The following CLEC3A variants were observed in gnomAD, a reference collection of about 807,000 sequenced individuals.
The protein encoded by CLEC3A is C-type (calcium dependent, carbohydrate-recognition domain) lectin, superfamily member 1 (cartilage-derived).
In CLEC3A, 28 loss-of-function variants were observed where a neutral mutation model predicts 20.4. That is an observed-to-expected ratio of 1.37 (90% CI 1.02 to 1.88). The LOEUF (loss-of-function observed/expected upper bound fraction) is 1.88, where lower values mean the gene tolerates loss of function less well. Among genes scored for constraint, CLEC3A ranks in the 40% most tolerant of loss-of-function variants. CLEC3A has a pLI of 0.00. For missense variants in CLEC3A, 357 were observed against 240.4 expected, an observed-to-expected ratio of 1.48 and a Z score of -3.21; for synonymous variants, 110 against 88.1, an observed-to-expected ratio of 1.25 and a Z score of -1.39.
At chr16:78,025,938 G>C (rs1362434210) in intron 1 of CLEC3A, among the ~76,000 whole-genome samples, 1 of 152,216 alleles carries the variant, frequency 6.6e-6, no homozygotes, top group Non-Finnish European at 1.5e-5. Context: ...TATTTAAGGA[G>C]AATGGAGCAG....
intron 1 of CLEC3A, among the ~76,000 whole-genome samples, chr16:78,027,638 T>G (rs1377016709): frequency 6.6e-6 from 1 of 152,164 alleles, no homozygotes; most frequent in Non-Finnish European, 1.5e-5. Context: ...CCTTCTTTCC[T>G]TCATTCATTG....
At position 78,022,740 on chromosome 16, in the gene CLEC3A, A is replaced by G; in HGVS notation, c.114A>G (p.Arg38=). The G allele has an allele frequency of 6.2e-7, 1 of 1,614,084 alleles. No homozygotes were observed. Among genetic ancestry groups the G allele is most frequent in the Admixed American group, 1.7e-5 (1 of 60,008 alleles). Residue 38 remains arginine (R), a splice_region_variant and synonymous_variant, in exon 1 of 3, where the codon AGA becomes AGG. Transcript: ENST00000299642. The stretch of plus-strand genomic sequence containing the variant: ...GGAAGCACAGCAAACGTCGAGTGAG[A>G]GGTAATGGGGCTTCTCAATCAAGCA... ...KARKHSKRRV[R]DKDGDLKTQI...
chr16:78,028,954 T>C (rs2030005721), intron 2 of CLEC3A: 1 of 344,544 alleles, frequency 2.9e-6, no homozygotes, highest in Non-Finnish European at 5.6e-6. Context: ...ATACTCCCTT[T>C]ATCAGGCTTC....
intron 1 of CLEC3A, among the ~76,000 whole-genome samples, chr16:78,027,265 T>A (rs2029951063): frequency 6.6e-6 from 1 of 152,046 alleles, no homozygotes; most frequent in Non-Finnish European, 1.5e-5. Context: ...AAATATGGAA[T>A]AAAATAAAAT....
Position 78,022,733 on chromosome 16 carries a change from G to T in CLEC3A, c.107G>T (p.Arg36Leu). Residue 36 changes from arginine to leucine, a missense_variant, in exon 1 of 3, where the codon CGA becomes CTA. By Grantham distance (102) the Arg-to-Leu change is moderately radical (BLOSUM62 -2). Coordinates refer to ENST00000299642, the MANE Select transcript of CLEC3A (RefSeq NM_005752.6). ...RLKARKHSKR[R>L]VRDKDGDLKT... ...AAAGCCAGGAAGCACAGCAAACGTC[G>T]AGTGAGAGGTAATGGGGCTTCTCAA... 2 of 1,614,128 alleles carry T rather than the reference G, an allele frequency of 1.2e-6. No individual in the cohort carries two copies. Among genetic ancestry groups the T allele is most frequent in the Non-Finnish European group, 1.7e-6 (2 of 1,180,024 alleles).
At chr16:78,029,430 G>A (rs1029185968) in intron 2 of CLEC3A, among the ~76,000 whole-genome samples, 17 of 152,106 alleles carry the variant, frequency 1.1e-4, no homozygotes, top group South Asian at 2.1e-4. Flanking sequence ...GTACAATGGC[G>A]CAATCTCGGC....
chr16:78,026,478 G>C (rs1455549383), intron 1 of CLEC3A, among the ~76,000 whole-genome samples: 1 of 152,174 alleles, frequency 6.6e-6, no homozygotes, highest in Non-Finnish European at 1.5e-5. Context: ...GATGAAATGA[G>C]AACAGGCCTG....
At chr16:78,030,152 C>CAAAAA (rs56784347) in intron 2 of CLEC3A, among the ~76,000 whole-genome samples, 21 of 100,268 alleles carry the variant, frequency 2.1e-4, no homozygotes, top group African/African-American at 6.2e-4. Context: ...GACTCCAACT[C>CAAAAA]AAAAAAAAAA....
In CLEC3A at chr16:78,022,679, A is replaced by G. The variant is rs2018765102; in HGVS notation, c.53A>G (p.Asp18Gly). The change falls in exon 1 of 3, where the codon GAC becomes GGC. Residue 18 changes from aspartate to glycine, a missense_variant. Transcript: ENST00000299642. ...ATCCTGGTGATCACCTTACTCCTGG[A>G]CCAGACCACCAGCCACACATCCAGA... ...ICILVITLLL[D>G]QTTSHTSRLK... 2 of 1,614,016 alleles carry G rather than the reference A, an allele frequency of 1.2e-6. No individual in the cohort carries two copies. The highest frequency in any genetic ancestry group is 1.1e-5 in the South Asian group (1 of 91,080).
intron 2 of CLEC3A, 113 bp from the exon 3 acceptor site, chr16:78,030,334 C>A (rs2030054906): frequency 3.1e-6 from 3 of 953,454 alleles, no homozygotes; most frequent in African/African-American, 1.6e-5. Context: ...TAACTGTTGT[C>A]TCATCATTAT....
intron 1 of CLEC3A, among the ~76,000 whole-genome samples, chr16:78,026,751 ATTTATCCAAGGCTTCTTGTTTTCTGCCAC>A (rs1271225768): frequency 6.6e-5 from 10 of 152,174 alleles, no homozygotes; most frequent in Non-Finnish European, 2.9e-5. Context: ...TGAAATTTCA[ATTTATCCAAGGCTTCTTGTTTTCTGCCAC>A]TTACTTATAG....
At chr16:78,029,816 C>T (rs1310600339) in intron 2 of CLEC3A, among the ~76,000 whole-genome samples, 1 of 152,032 alleles carries the variant, frequency 6.6e-6, no homozygotes, top group Non-Finnish European at 1.5e-5. Context: ...GGCAGACCTG[C>T]ATTTGGGTAG....
rs749094145 is a variant in CLEC3A at position 78,028,175 on chromosome 16, C to T, written c.184C>T (p.Gln62Ter). 7 of 1,609,426 alleles carry T rather than the reference C, an allele frequency of 4.3e-6. No homozygotes were observed. Among genetic ancestry groups the T allele is most frequent in the Admixed American group, 1.7e-5 (1 of 58,550 alleles). Reference protein sequence around the residue: ...WTEVNALKEIQALQTVCLRGT... With the variant: ...WTEVNALKEI ...AGAAGTCAATGCCTTGAAGGAAATTCAAGCCCTGCAGACAGGTAAGGTGCA... is the reference window on the plus strand; with the variant it reads ...AGAAGTCAATGCCTTGAAGGAAATTTAAGCCCTGCAGACAGGTAAGGTGCA... The change falls in exon 2 of 3, where the codon CAA (glutamine) becomes TAA (stop). Residue 62 changes from glutamine to a stop codon, truncating the protein, a stop_gained. Coordinates refer to ENST00000299642, the MANE Select transcript of CLEC3A (RefSeq NM_005752.6). LOFTEE classifies it high-confidence loss of function.
At chr16:78,029,025 G>T (rs1693806364) in intron 2 of CLEC3A, 2 of 426,616 alleles carry the variant, frequency 4.7e-6, no homozygotes, top group African/African-American at 4.1e-5. Flanking sequence ...GGTGAGTTTG[G>T]TTCATCCTTT....
chr16:78,024,227 G>C (rs1390511748), intron 1 of CLEC3A, among the ~76,000 whole-genome samples: 1 of 152,190 alleles, frequency 6.6e-6, no homozygotes, highest in Non-Finnish European at 1.5e-5. Context: ...TGTAGCCAGC[G>C]TTTCTTCACT....
rs2030084065 is a variant in CLEC3A, at chr16:78,030,933, T to C, written c.*92T>C. On this transcript the variant is annotated 3_prime_UTR_variant, in exon 3 of 3. Coordinates refer to ENST00000299642, the MANE Select transcript of CLEC3A (RefSeq NM_005752.6). The stretch of plus-strand genomic sequence containing the variant: ...AAGTAAAAATCATAATTTTTACTTA[T>C]TAAAAAATTGCAACACAAGATCAAT... 7.2e-7 allele frequency: 1 copy of C among 1,390,058 alleles called. No homozygotes were observed. The highest frequency in any genetic ancestry group is 9.7e-7 in the Non-Finnish European group (1 of 1,035,372). The allele number at this position is 1,390,058 out of a possible 1,614,324, so 86.1% of individuals were successfully genotyped here.
rs970635881 is a variant in CLEC3A, at chr16:78,031,426, T to A, written c.*585T>A. Reference sequence around the variant, plus strand: ...AGAACACAAACCCCTGAAGAGGTTCTGATTTGATTTTTTTTTTTTCTTCAT... The same window carrying A: ...AGAACACAAACCCCTGAAGAGGTTCAGATTTGATTTTTTTTTTTTCTTCAT... On this transcript the variant is annotated 3_prime_UTR_variant, in exon 3 of 3. Coordinates refer to ENST00000299642, the MANE Select transcript of CLEC3A (RefSeq NM_005752.6). The A allele has an allele frequency of 6.6e-6, 1 of 152,166 alleles. No homozygotes were observed. The highest frequency in any genetic ancestry group is 1.5e-5 in the Non-Finnish European group (1 of 68,030). The allele number at this position is 152,166 out of a possible 1,614,324, so 9.4% of individuals were successfully genotyped here.
intron 1 of CLEC3A, among the ~76,000 whole-genome samples, chr16:78,024,506 AAAAAC>A (rs1047269256): frequency 4.0e-4 from 61 of 151,988 alleles, no homozygotes; most frequent in African/African-American, 1.4e-3. Context: ...GCTTTTATTT[AAAAAC>A]AAAACAAAAC....
chr16:78,024,299 G>T (rs2018785282), intron 1 of CLEC3A, among the ~76,000 whole-genome samples: 1 of 152,124 alleles, frequency 6.6e-6, no homozygotes, highest in Admixed American at 6.5e-5. Flanking sequence ...TGTGAAGAGG[G>T]TCTGAACATG....
Sources: gnomAD v4.1 joint callset for allele counts (sites outside exome capture counted in the v4.1 genomes callset) on GRCh38, gnomAD v4.1.1 for gene constraint, MANE v1.5 for transcripts, NCBI Gene and HGNC (gene_info 2026-07-23, HGNC 2026-07-21) for gene names.